The following CDC42BPA variants were observed in gnomAD, a reference collection of about 807,000 sequenced individuals.
CDC42BPA encodes CDC42 binding protein kinase alpha, also known as serine/threonine-protein kinase MRCK alpha.
A neutral mutation model predicts 223.5 loss-of-function variants in CDC42BPA; 80 were observed. That is an observed-to-expected ratio of 0.36 (90% CI 0.30 to 0.43). CDC42BPA has a LOEUF of 0.43. CDC42BPA is among the 20% of genes least tolerant of loss of function. The probability of loss-of-function intolerance (pLI) is 1.00; values close to 1 mark genes in which losing one functional copy is unlikely to be tolerated. For missense variants in CDC42BPA, 1,743 were observed against 2,099.9 expected (o/e 0.83, Z 3.32); for synonymous variants, 694 against 718.6 (o/e 0.97, Z 0.55).
chr1:227,164,057 TA>T (rs928261383), intron 5 of CDC42BPA, among the ~76,000 whole-genome samples: 1 of 152,210 alleles, frequency 6.6e-6, no homozygotes, highest in African/African-American at 2.4e-5. Flanking sequence ...TGTATTACTC[TA>T]TTTTTTTTCA....
chr1:227,158,593 G>A (rs890247608), intron 6 of CDC42BPA, among the ~76,000 whole-genome samples: 1 of 152,102 alleles, frequency 6.6e-6, no homozygotes, highest in African/African-American at 2.4e-5. Context: ...TACTTGGAAG[G>A]AAGACTTCCA....
intron 21 of CDC42BPA, among the ~76,000 whole-genome samples, chr1:227,062,106 T>C (rs1049738298): frequency 2.0e-5 from 3 of 152,222 alleles, no homozygotes; most frequent in African/African-American, 7.2e-5. Flanking sequence ...TTGAGAAACA[T>C]AGACCCTTAT....
At chr1:227,094,727 G>A (rs1317434857) in intron 15 of CDC42BPA, among the ~76,000 whole-genome samples, 1 of 152,202 alleles carries the variant, frequency 6.6e-6, no homozygotes, top group African/African-American at 2.4e-5. Flanking sequence ...TTAATGTGTT[G>A]ACTCAATATT....
Position 227,065,610 on chromosome 1 carries a change from G to A in CDC42BPA, c.2904+4167C>T, listed in dbSNP as rs180933114. 3.3e-5 allele frequency among the ~76,000 whole-genome samples: 5 copies of A among 152,300 alleles called. No homozygotes were observed. The East Asian group carries it at 9.6e-4, about 29-fold the overall frequency. ...ATTCATTTGAATTTTGAGTTAACAG[G>A]CAAAACATGTGGAGGAAAAAATAGG... On this transcript the variant is annotated intron_variant, in intron 21 of 36. Coordinates refer to ENST00000366766, the MANE Select transcript of CDC42BPA (RefSeq NM_001394014.1).
intron 20 of CDC42BPA, among the ~76,000 whole-genome samples, chr1:227,070,227 T>C (rs1011567223): frequency 1.3e-5 from 2 of 151,884 alleles, no homozygotes; most frequent in Non-Finnish European, 3.0e-5. Context: ...TGTTTTGAAA[T>C]ACTCTTATCA....
intron 2 of CDC42BPA, among the ~76,000 whole-genome samples, chr1:227,220,345 T>C (rs1675672044): frequency 6.8e-6 from 1 of 147,114 alleles, no homozygotes; most frequent in African/African-American, 2.5e-5. Flanking sequence ...TATGGATATA[T>C]ATAAAATAAG....
chr1:227,276,457 G>GCAGC (rs1339483350), intron 1 of CDC42BPA, among the ~76,000 whole-genome samples: 1 of 151,626 alleles, frequency 6.6e-6, no homozygotes, highest in Non-Finnish European at 1.5e-5. Flanking sequence ...AGGTCGGGGG[G>GCAGC]CAGCCCCCGC....
At chr1:227,207,351 CTTTT>C (rs372665560) in intron 3 of CDC42BPA, among the ~76,000 whole-genome samples, 13,474 of 136,168 alleles carry the variant, frequency 0.099, 782 homozygotes, top group Middle Eastern at 0.2. Flanking sequence ...TTTTTTTCAT[CTTTT>C]TTTTTCTTTT....
At chr1:227,304,288 C>T (rs1044385286) in intron 1 of CDC42BPA, among the ~76,000 whole-genome samples, 1 of 152,056 alleles carries the variant, frequency 6.6e-6, no homozygotes, top group Non-Finnish European at 1.5e-5. Context: ...TGTCTGCAGT[C>T]CCAGCTACTC....
At chr1:227,174,323 C>T (rs1666597640) in intron 5 of CDC42BPA, among the ~76,000 whole-genome samples, 1 of 152,018 alleles carries the variant, frequency 6.6e-6, no homozygotes, top group Non-Finnish European at 1.5e-5. Flanking sequence ...TTTGAGTAAG[C>T]CTTAGGCCTC....
At chr1:227,056,968 T>C (rs1289784585) in intron 21 of CDC42BPA, among the ~76,000 whole-genome samples, 3 of 152,318 alleles carry the variant, frequency 2.0e-5, no homozygotes, top group South Asian at 2.1e-4. Flanking sequence ...TTATACATAA[T>C]GCACCTTGTT....
intron 23 of CDC42BPA, among the ~76,000 whole-genome samples, chr1:227,045,371 T>A (rs1006462622): frequency 2.6e-5 from 4 of 152,236 alleles, no homozygotes; most frequent in African/African-American, 4.8e-5. Flanking sequence ...TGATCTTTTT[T>A]AAATCTCCTT....
At chr1:227,016,834 C>T (rs1666371948) in intron 33 of CDC42BPA, 93 bp downstream of exon 33, 9 of 1,265,336 alleles carry the variant, frequency 7.1e-6, no homozygotes, top group Non-Finnish European at 9.5e-6. Context: ...TTTCAGATAC[C>T]CAATTTTCCT....
chr1:227,253,271 C>CGAGAGAGA (rs1043258082), intron 2 of CDC42BPA, among the ~76,000 whole-genome samples: 2 of 152,126 alleles, frequency 1.3e-5, no homozygotes, highest in East Asian at 1.9e-4. Context: ...AGAGAGAGCG[C>CGAGAGAGA]GCGCGCGTGC....
intron 15 of CDC42BPA, among the ~76,000 whole-genome samples, chr1:227,097,185 A>C (rs1043733515): frequency 2.6e-5 from 4 of 151,988 alleles, no homozygotes; most frequent in African/African-American, 9.7e-5. Flanking sequence ...ACACACACAC[A>C]CACCCACACA....
chr1:227,195,627 C>T (rs780351765), intron 4 of CDC42BPA, among the ~76,000 whole-genome samples: 42 of 152,088 alleles, frequency 2.8e-4, no homozygotes, highest in African/African-American at 8.9e-4. Flanking sequence ...AATGTCCCTT[C>T]GTCATATTTT....
intron 21 of CDC42BPA, among the ~76,000 whole-genome samples, chr1:227,056,993 T>C (rs150194640): frequency 5.3e-4 from 81 of 152,276 alleles, no homozygotes; most frequent in Non-Finnish European, 8.7e-4. Flanking sequence ...TTTAAGAAAA[T>C]TTATTCTCAA....
intron 14 of CDC42BPA, among the ~76,000 whole-genome samples, chr1:227,111,455 AGAG>A (rs1351161580): frequency 6.6e-6 from 1 of 152,150 alleles, no homozygotes; most frequent in Non-Finnish European, 1.5e-5. Flanking sequence ...ATAGTTTTAT[AGAG>A]GAGAAAATTA....
rs376481894 is a variant in CDC42BPA at position 227,028,781 on chromosome 1, G to A, written c.4308C>T (p.Cys1436=). The change falls in exon 30 of 37, where the codon TGC becomes TGT. Residue 1436 remains cysteine, a synonymous_variant. Coordinates refer to ENST00000366766, the MANE Select transcript of CDC42BPA (RefSeq NM_001394014.1). ...ATTCTTTACTGGAGATCTCAACTGC[G>A]CAGATAGCATCCATTGGTTGATGTG... ...FIAHQPMDAI[C]AVEISSKEYL... 1.7e-5 allele frequency: 28 copies of A among 1,613,578 alleles called. No homozygotes were observed. The highest frequency in any genetic ancestry group is 2.7e-5 in the African/African-American group (2 of 74,876).
Sources: gnomAD v4.1 joint callset for allele counts (sites outside exome capture counted in the v4.1 genomes callset) on GRCh38, gnomAD v4.1.1 for gene constraint, MANE v1.5 for transcripts, NCBI Gene and HGNC (gene_info 2026-07-23, HGNC 2026-07-21) for gene names.